Variants in GRM3 observed in about 807,000 individuals in gnomAD.
GRM3 encodes glutamate metabotropic receptor 3, also known as metabotropic glutamate receptor 3.
A neutral mutation model predicts 70.5 loss-of-function variants in GRM3; 26 were observed. That is an observed-to-expected ratio of 0.37 (90% CI 0.27 to 0.51). The LOEUF is 0.51. Ranked by LOEUF, GRM3 falls within the 20% of genes least tolerant of loss-of-function variation. The pLI is 0.93. For missense variants in GRM3, 859 were observed against 1,123.8 expected (o/e 0.76, Z 3.37); for synonymous variants, 443 against 434.9 (o/e 1.02, Z -0.23).
intron 2 of GRM3, among the ~76,000 whole-genome samples, chr7:86,766,475 A>G (rs1796602986): frequency 6.6e-6 from 1 of 152,078 alleles, no homozygotes. Flanking sequence ...AGAAATATAC[A>G]TACTCTTGCA....
intron 5 of GRM3, among the ~76,000 whole-genome samples, chr7:86,861,874 A>G (rs1284088701): frequency 6.6e-6 from 1 of 152,192 alleles, no homozygotes; most frequent in Non-Finnish European, 1.5e-5. Flanking sequence ...GCAACAAAAA[A>G]GCAAGAGTGG....
intron 1 of GRM3, among the ~76,000 whole-genome samples, chr7:86,686,590 G>A (rs907386959): frequency 2.6e-5 from 4 of 152,070 alleles, no homozygotes. Context: ...CAAGTGTAAG[G>A]GCAAATATTA....
At chr7:86,833,362 A>G (rs906469218) in intron 3 of GRM3, among the ~76,000 whole-genome samples, 4 of 152,028 alleles carry the variant, frequency 2.6e-5, no homozygotes, top group Non-Finnish European at 5.9e-5. Flanking sequence ...TAACCTGCAC[A>G]TTGTGCACAT....
chr7:86,749,003 C>T (rs1796169031), intron 1 of GRM3, among the ~76,000 whole-genome samples: 1 of 151,938 alleles, frequency 6.6e-6, no homozygotes, highest in African/African-American at 2.4e-5. Context: ...ATGCTAACAC[C>T]TTAGTTAGAT....
chr7:86,724,794 A>C (rs1795554407), intron 1 of GRM3, among the ~76,000 whole-genome samples: 1 of 151,920 alleles, frequency 6.6e-6, no homozygotes, highest in Non-Finnish European at 1.5e-5. Flanking sequence ...TCAGTTTAGC[A>C]CTCACTTGAT....
chr7:86,760,010 A>T (rs1195836330), intron 1 of GRM3, among the ~76,000 whole-genome samples: 1 of 152,142 alleles, frequency 6.6e-6, no homozygotes, highest in Non-Finnish European at 1.5e-5. Flanking sequence ...ACAGAATCAT[A>T]ATCAAATTGC....
At chr7:86,831,187 T>C (rs1798345019) in intron 3 of GRM3, among the ~76,000 whole-genome samples, 1 of 152,136 alleles carries the variant, frequency 6.6e-6, no homozygotes, top group African/African-American at 2.4e-5. Flanking sequence ...AGTGATTGCC[T>C]TTGGGGCTGA....
intron 1 of GRM3, among the ~76,000 whole-genome samples, chr7:86,661,914 G>C (rs1034285304): frequency 6.6e-6 from 1 of 151,642 alleles, no homozygotes; most frequent in Admixed American, 6.6e-5. Context: ...ACAGTTTAAT[G>C]CTTCTGTAAT....
At chr7:86,648,436 A>G (rs1793530413) in intron 1 of GRM3, among the ~76,000 whole-genome samples, 1 of 152,200 alleles carries the variant, frequency 6.6e-6, no homozygotes, top group Admixed American at 6.5e-5. Flanking sequence ...GTTGTCATGT[A>G]AATTCCACTA....
At chr7:86,766,762 C>T (rs1031882950) in intron 2 of GRM3, among the ~76,000 whole-genome samples, 6 of 152,156 alleles carry the variant, frequency 3.9e-5, no homozygotes, top group African/African-American at 1.2e-4. Flanking sequence ...GAGTCATACA[C>T]TTTGCCTCCC....
At chr7:86,784,217 G>T (rs1472728970) in intron 2 of GRM3, 9 of 147,554 alleles carry the variant, frequency 6.1e-5, no homozygotes, top group Non-Finnish European at 1.1e-4. Flanking sequence ...GAACTTTTTT[G>T]TTTTTTTTTT....
intron 5 of GRM3, among the ~76,000 whole-genome samples, chr7:86,856,131 A>AT (rs1798840742): frequency 6.6e-6 from 1 of 152,106 alleles, no homozygotes; most frequent in Non-Finnish European, 1.5e-5. Context: ...ATGTTAATCT[A>AT]TTTTTCCCTT....
intron 1 of GRM3, among the ~76,000 whole-genome samples, chr7:86,743,976 C>A (rs938170559): frequency 3.3e-5 from 5 of 152,120 alleles, no homozygotes; most frequent in African/African-American, 1.2e-4. Context: ...ACTAGGTTCA[C>A]AAATGACATT....
At chr7:86,699,801 TGAG>T (rs1794908719) in intron 1 of GRM3, among the ~76,000 whole-genome samples, 1 of 151,892 alleles carries the variant, frequency 6.6e-6, no homozygotes, top group Admixed American at 6.6e-5. Flanking sequence ...CGTCACCAGA[TGAG>T]GAGAACTAGC....
intron 1 of GRM3, among the ~76,000 whole-genome samples, chr7:86,749,153 A>G (rs1020153874): frequency 7.9e-5 from 12 of 152,124 alleles, no homozygotes; most frequent in African/African-American, 2.7e-4. Flanking sequence ...TACTACTGGC[A>G]TAGTTTTTCT....
intron 1 of GRM3, among the ~76,000 whole-genome samples, chr7:86,740,245 A>G (rs1795955379): frequency 6.6e-6 from 1 of 152,160 alleles, no homozygotes; most frequent in Admixed American, 6.6e-5. Flanking sequence ...TTGGATTACT[A>G]TTCCATAGGC....
intron 1 of GRM3, among the ~76,000 whole-genome samples, chr7:86,753,647 T>C (rs1300543873): frequency 6.6e-6 from 1 of 152,290 alleles, no homozygotes; most frequent in African/African-American, 2.4e-5. Context: ...ATATGGATTA[T>C]GACACTTGAA....
chr7:86,791,061 T>G (rs10234440), intron 3 of GRM3, among the ~76,000 whole-genome samples: 1 of 152,104 alleles, frequency 6.6e-6, no homozygotes, highest in Non-Finnish European at 1.5e-5. Flanking sequence ...CACAAATGCA[T>G]CCCAAGCATA....
At chr7:86,782,578 G>T (rs1797100459) in intron 2 of GRM3, among the ~76,000 whole-genome samples, 2 of 152,154 alleles carry the variant, frequency 1.3e-5, no homozygotes, top group Admixed American at 1.3e-4. Flanking sequence ...TCACTTTGAT[G>T]CATTTTCACA....
Sources: gnomAD v4.1 joint callset for allele counts (sites outside exome capture counted in the v4.1 genomes callset) on GRCh38, gnomAD v4.1.1 for gene constraint, MANE v1.5 for transcripts, NCBI Gene and HGNC (gene_info 2026-07-23, HGNC 2026-07-21) for gene names.